Variants in DLGAP3 observed in about 807,000 individuals in gnomAD.
DLGAP3 encodes DLG associated protein 3, also known as disks large-associated protein 3.
Under a neutral mutation model 81.2 loss-of-function variants are expected in DLGAP3, and 17 were observed. That is an observed-to-expected ratio of 0.21 (90% CI 0.14 to 0.31). The LOEUF (loss-of-function observed/expected upper bound fraction) is 0.31, where lower values mean the gene tolerates loss of function less well. DLGAP3 is among the 10% of genes least tolerant of loss of function. The pLI, the probability that DLGAP3 is intolerant of heterozygous loss-of-function variation, is 1.00. For synonymous variants in DLGAP3, 577 were observed against 587.4 expected (o/e 0.98, Z 0.26); for missense variants, 1,124 against 1,388.0 (o/e 0.81, Z 3.02).
At position 34,913,263 on chromosome 1, in the gene DLGAP3, A is replaced by C. The variant is rs1639665265; in HGVS notation, c.-134-5826T>G. On this transcript the variant is annotated intron_variant, in intron 1 of 11. Coordinates refer to ENST00000373347, the MANE Select transcript of DLGAP3 (RefSeq NM_001080418.3). ...TTACAGAAAATGGGTTTACAGCTCCAAAACACTCGAGCCATTTAGGCAGAT... is the reference window on the plus strand; with the variant it reads ...TTACAGAAAATGGGTTTACAGCTCCCAAACACTCGAGCCATTTAGGCAGAT... Among the ~76,000 whole-genome samples the C allele has an allele frequency of 2.0e-5, 3 of 152,210 alleles. No individual in the cohort carries two copies. The South Asian group carries it at 6.2e-4, about 32-fold the overall frequency.
chr1:34,927,037 G>C (rs1009652569), intron 1 of DLGAP3, among the ~76,000 whole-genome samples: 6 of 152,076 alleles, frequency 3.9e-5, no homozygotes, highest in Admixed American at 3.9e-4. Flanking sequence ...AGAAAGTCTG[G>C]GAGTCTGGCC....
intron 5 of DLGAP3, among the ~76,000 whole-genome samples, chr1:34,898,825 T>C (rs912595912): frequency 6.6e-6 from 1 of 152,190 alleles, no homozygotes; most frequent in African/African-American, 2.4e-5. Flanking sequence ...TACACTTAGA[T>C]ATGGAACTCA....
chr1:34,867,696 C>A lies in DLGAP3; in HGVS notation c.2486-69G>T. ...CTTCCCCAGCCTCCACGAAGTCTGC[C>A]CTGAATGACGCTGACCCCTCGGTTG... On this transcript the variant is annotated intron_variant, in intron 9 of 11. Transcript: ENST00000373347. The surrounding 1 kb of genome is among the most constrained non-coding windows in gnomAD (Gnocchi z 4.3). The A allele has an allele frequency of 7.6e-7, 1 of 1,312,424 alleles. No individual in the cohort carries two copies. The highest frequency in any genetic ancestry group is 1.1e-6 in the Non-Finnish European group (1 of 910,174). 81.3% of individuals were successfully genotyped at this position (1,312,424 alleles called of 1,614,324 possible).
Position 34,868,977 on chromosome 1 carries a change from A to C in DLGAP3, c.2113T>G (p.Phe705Val). Residue 705 changes from phenylalanine to valine, a missense_variant, in exon 9 of 12, where the codon TTT (phenylalanine) becomes GTT (valine). Coordinates refer to ENST00000373347, the MANE Select transcript of DLGAP3 (RefSeq NM_001080418.3). This position sits in a 1 kb window ranked among gnomAD's most constrained non-coding sequence, Gnocchi z 7.5. ...TVATEDKALQ[F>V]GRSFQRHASE... ...GCGTGCCTCTGGAAGGAGCGTCCAA[A>C]CTGCAGGGCCTTGTCTTCTGTGGCC... The C allele has an allele frequency of 1.2e-6, 2 of 1,609,190 alleles. No individual in the cohort carries two copies. The highest frequency in any genetic ancestry group is 1.7e-6 in the Non-Finnish European group (2 of 1,179,784).
intron 5 of DLGAP3, among the ~76,000 whole-genome samples, chr1:34,896,585 T>TCTCACACA (rs1639383479): frequency 6.8e-6 from 1 of 146,798 alleles, no homozygotes; most frequent in Admixed American, 6.7e-5. Flanking sequence ...CCAGACTCCA[T>TCTCACACA]CACACACACA....
intron 8 of DLGAP3, among the ~76,000 whole-genome samples, chr1:34,869,589 A>C (rs887015743): frequency 6.7e-6 from 1 of 149,166 alleles, no homozygotes; most frequent in Non-Finnish European, 1.5e-5. Context: ...TCCCGGGTTC[A>C]AGCGATTCTC....
chr1:34,866,934 C>A, intron 11 of DLGAP3, 114 bp downstream of exon 11: 2 of 1,267,292 alleles, frequency 1.6e-6, no homozygotes, highest in Non-Finnish European at 2.3e-6. Flanking sequence ...CAAGGCTGCC[C>A]TTGCTGCCCA....
At chr1:34,927,820 C>T (rs1454411513) in intron 1 of DLGAP3, among the ~76,000 whole-genome samples, 1 of 152,006 alleles carries the variant, frequency 6.6e-6, no homozygotes, top group African/African-American at 2.4e-5. Flanking sequence ...CCAGGAAGTA[C>T]CACTCTCTAA....
intron 11 of DLGAP3, 82 bp from the exon 12 acceptor site, chr1:34,866,383 G>A: frequency 8.3e-7 from 1 of 1,199,420 alleles, no homozygotes; most frequent in Middle Eastern, 2.9e-4. Context: ...CCCGCGCCCA[G>A]AGTGCTGACG....
chr1:34,912,880 G>T (rs929534347), intron 1 of DLGAP3, among the ~76,000 whole-genome samples: 1 of 152,244 alleles, frequency 6.6e-6, no homozygotes, highest in South Asian at 2.1e-4. Flanking sequence ...CCCTCTGCCC[G>T]CTCCGGCCCA....
intron 2 of DLGAP3, among the ~76,000 whole-genome samples, chr1:34,905,681 G>A (rs773594759): frequency 1.3e-5 from 2 of 152,092 alleles, no homozygotes; most frequent in African/African-American, 2.4e-5. Context: ...ATTCACAAGA[G>A]GATATTCCCT....
chr1:34,883,662 A>G (rs1299282662), intron 8 of DLGAP3, among the ~76,000 whole-genome samples: 2 of 150,702 alleles, frequency 1.3e-5, no homozygotes, highest in African/African-American at 5.0e-5. Context: ...CAGGTTTAGA[A>G]GTCATGCAGG....
chr1:34,918,069 A>T (rs1408910278), intron 1 of DLGAP3, among the ~76,000 whole-genome samples: 3 of 152,198 alleles, frequency 2.0e-5, no homozygotes, highest in Admixed American at 1.3e-4. Flanking sequence ...GGGCTTGGGA[A>T]ATGAGGCACA....
chr1:34,899,087 CTTT>C (rs58075518), intron 5 of DLGAP3, among the ~76,000 whole-genome samples: 22,653 of 141,848 alleles, frequency 0.16, 1,998 homozygotes, highest in Non-Finnish European at 0.22. Flanking sequence ...ATCAATTCTA[CTTT>C]TTTTTTTTTT....
intron 1 of DLGAP3, among the ~76,000 whole-genome samples, chr1:34,917,717 T>G (rs978052521): frequency 6.6e-6 from 1 of 152,202 alleles, no homozygotes; most frequent in African/African-American, 2.4e-5. Flanking sequence ...GTCCACATGT[T>G]TATCCCCATA....
At chr1:34,923,451 G>A (rs1161499586) in intron 1 of DLGAP3, among the ~76,000 whole-genome samples, 2 of 152,104 alleles carry the variant, frequency 1.3e-5, no homozygotes, top group Non-Finnish European at 2.9e-5. Context: ...AGGGAGCAGG[G>A]AGGCAAGCTG....
chr1:34,906,036 GT>G (rs1171899318), intron 2 of DLGAP3, among the ~76,000 whole-genome samples: 39 of 46,248 alleles, frequency 8.4e-4, no homozygotes, highest in African/African-American at 2.5e-3. Context: ...ATATATATTT[GT>G]TTGTTTTTAT....
rs76318026 is a variant in DLGAP3 at position 34,868,246 on chromosome 1, G to A, written c.2485+359C>T. Among the ~76,000 whole-genome samples the A allele has an allele frequency of 9.7e-3, 1,479 of 152,148 alleles. 32 individuals are homozygous for A. The highest frequency in any genetic ancestry group is 0.033 in the African/African-American group (1,380 of 41,486). ...AACTGCCTCCCTCTCTGTAATCTTG[G>A]TCGCACCACCTGGATCCCCACACCA... is the stretch of plus-strand genomic sequence containing the variant. On this transcript the variant is annotated intron_variant, in intron 9 of 11. Coordinates refer to ENST00000373347, the MANE Select transcript of DLGAP3 (RefSeq NM_001080418.3). This position sits in a 1 kb window ranked among gnomAD's most constrained non-coding sequence, Gnocchi z 7.5.
chr1:34,879,111 G>C (rs1464276359), intron 8 of DLGAP3, among the ~76,000 whole-genome samples: 1 of 151,712 alleles, frequency 6.6e-6, no homozygotes, highest in Non-Finnish European at 1.5e-5. Flanking sequence ...AGCTGCGGGG[G>C]GGCATAGTAG....
Sources: gnomAD v4.1 joint callset for allele counts (sites outside exome capture counted in the v4.1 genomes callset) on GRCh38, gnomAD v4.1.1 for gene constraint, Gnocchi (gnomAD v3.1) non-coding constraint, MANE v1.5 for transcripts, NCBI Gene and HGNC (gene_info 2026-07-23, HGNC 2026-07-21) for gene names.